The following LDB2 variants were observed in gnomAD, a reference collection of about 807,000 sequenced individuals.
The protein encoded by LDB2 is LIM domain-binding protein 2.
LDB2 carries 12 observed loss-of-function variants against 44.3 expected under a neutral mutation model. That is an observed-to-expected ratio of 0.27 (90% CI 0.17 to 0.44). The LOEUF is 0.44. Among genes scored for constraint, LDB2 ranks in the 20% least tolerant of loss-of-function variants. LDB2 has a pLI of 1.00. For synonymous variants in LDB2, 164 were observed against 174.8 expected, an observed-to-expected ratio of 0.94 and a Z score of 0.49; for missense variants, 344 against 473.5, an observed-to-expected ratio of 0.73 and a Z score of 2.54.
chr4:16,676,693 C>A (rs541285868), intron 2 of LDB2, among the ~76,000 whole-genome samples: 2 of 152,178 alleles, frequency 1.3e-5, no homozygotes, highest in African/African-American at 4.8e-5. Flanking sequence ...GAATGAGACA[C>A]GTTTCAAGGG....
chr4:16,642,230 C>T (rs2082688609), intron 2 of LDB2, among the ~76,000 whole-genome samples: 1 of 152,134 alleles, frequency 6.6e-6, no homozygotes, highest in African/African-American at 2.4e-5. Context: ...GAGATCATGC[C>T]TACATTACTG....
In LDB2 at chr4:16,588,756, A is replaced by G. The variant is rs370724459; in HGVS notation, c.485T>C (p.Ile162Thr). 2.9e-5 allele frequency: 46 copies of G among 1,613,892 alleles called. No homozygotes were observed. The highest frequency in any genetic ancestry group is 3.6e-5 in the Non-Finnish European group (42 of 1,179,870). Reference sequence around the variant, plus strand: ...CGGGACTAACTCTCGGTATTGTCTAATGGTAAAGTGCCATGTTTTGATTCT... The same window carrying G: ...CGGGACTAACTCTCGGTATTGTCTAGTGGTAAAGTGCCATGTTTTGATTCT... ...LMRIKTWHFTIRQYRELVPRS... is the reference protein window; with the variant it reads ...LMRIKTWHFTTRQYRELVPRS... The change falls in exon 4 of 8, where the codon ATT becomes ACT. Residue 162 changes from isoleucine to threonine, a missense_variant. This residue lies in a region of LDB2 where 226 missense variants were observed against 270.1 expected (regional missense o/e 0.84). Transcript: ENST00000304523.
In LDB2 at chr4:16,634,084, C is replaced by T. The variant is rs184750879; in HGVS notation, c.236-38209G>A. ...TATGTAGAAAACTGAAACTGGACCC[C>T]TTTCTTACACCTAATATAAAAACCA... On this transcript the variant is annotated intron_variant, in intron 2 of 7. Coordinates refer to ENST00000304523, the MANE Select transcript of LDB2 (RefSeq NM_001290.5). Among the ~76,000 whole-genome samples the T allele has an allele frequency of 3.0e-3, 458 of 152,232 alleles. 3 individuals are homozygous for T. The highest frequency in any genetic ancestry group is 0.011 in the African/African-American group (448 of 41,532).
At chr4:16,542,943 G>A (rs1207574845) in intron 5 of LDB2, among the ~76,000 whole-genome samples, 1 of 107,426 alleles carries the variant, frequency 9.3e-6, no homozygotes, top group Non-Finnish European at 1.7e-5. Context: ...CCCCACCATA[G>A]GCCCCAGTAT....
intron 5 of LDB2, among the ~76,000 whole-genome samples, chr4:16,522,481 G>A (rs1015500101): frequency 1.3e-5 from 2 of 152,098 alleles, no homozygotes; most frequent in African/African-American, 2.4e-5. Context: ...CATTTACATT[G>A]TATTAGGTAT....
intron 2 of LDB2, among the ~76,000 whole-genome samples, chr4:16,719,780 C>T (rs976888475): frequency 5.3e-5 from 8 of 151,982 alleles, no homozygotes; most frequent in African/African-American, 1.4e-4. Context: ...CATAATTATG[C>T]ATTATTTGTT....
Position 16,651,370 on chromosome 4 carries a change from T to C in LDB2, c.236-55495A>G, listed in dbSNP as rs139168995. On this transcript the variant is annotated intron_variant, in intron 2 of 7. Coordinates refer to ENST00000304523, the MANE Select transcript of LDB2 (RefSeq NM_001290.5). ...TATTTGGTTTTACTTAATTCATTAG[T>C]GCCCATGAATAAATTCAAATGACTT... Among the ~76,000 whole-genome samples, 561 of 152,368 alleles carry C rather than the reference T, an allele frequency of 3.7e-3. 1 individual carries two copies. The highest frequency in any genetic ancestry group is 0.011 in the African/African-American group (444 of 41,580).
At chr4:16,562,402 G>A (rs370091316) in intron 5 of LDB2, among the ~76,000 whole-genome samples, 33 of 152,252 alleles carry the variant, frequency 2.2e-4, no homozygotes, top group South Asian at 1.0e-3. Flanking sequence ...AAAAGTGGGC[G>A]AAGGACATGA....
chr4:16,590,648 G>A (rs1280815142), intron 3 of LDB2, among the ~76,000 whole-genome samples: 1 of 152,162 alleles, frequency 6.6e-6, no homozygotes, highest in African/African-American at 2.4e-5. Flanking sequence ...GTTAACGTGT[G>A]CCATCTTCGT....
chr4:16,725,242 TCACACA>T (rs144411578), intron 2 of LDB2, among the ~76,000 whole-genome samples: 1 of 149,502 alleles, frequency 6.7e-6, no homozygotes, highest in South Asian at 2.1e-4. Context: ...ATACACAAGT[TCACACA>T]CACACACACA....
At chr4:16,887,257 G>A (rs956503728) in intron 1 of LDB2, among the ~76,000 whole-genome samples, 3 of 151,398 alleles carry the variant, frequency 2.0e-5, no homozygotes, top group African/African-American at 4.9e-5. Context: ...AAAGAAACCT[G>A]AGATGGCTTA....
chr4:16,896,999 T>C (rs1309329704), intron 1 of LDB2, among the ~76,000 whole-genome samples: 3 of 152,240 alleles, frequency 2.0e-5, no homozygotes, highest in Non-Finnish European at 2.9e-5. Flanking sequence ...ATTTAGCGTC[T>C]ATGGTGTATT....
chr4:16,710,659 A>C (rs1755663878), intron 2 of LDB2, among the ~76,000 whole-genome samples: 1 of 152,220 alleles, frequency 6.6e-6, no homozygotes, highest in South Asian at 2.1e-4. Context: ...TTAAGAAAAT[A>C]CAAAAAAAAG....
At chr4:16,560,941 A>G (rs1252360479) in intron 5 of LDB2, among the ~76,000 whole-genome samples, 1 of 152,240 alleles carries the variant, frequency 6.6e-6, no homozygotes, top group Admixed American at 6.5e-5. Flanking sequence ...GTAATCCAGC[A>G]TATAAACAGA....
At chr4:16,584,767 A>G (rs1716135564) in intron 5 of LDB2, among the ~76,000 whole-genome samples, 1 of 152,214 alleles carries the variant, frequency 6.6e-6, no homozygotes, top group South Asian at 2.1e-4. Flanking sequence ...GGCCTTGACC[A>G]CAAGGTGAAA....
chr4:16,602,652 C>A (rs1336821202), intron 2 of LDB2, among the ~76,000 whole-genome samples: 3 of 152,148 alleles, frequency 2.0e-5, no homozygotes, highest in Non-Finnish European at 4.4e-5. Context: ...TCTCAAAACA[C>A]CATGAAAATT....
In LDB2 at chr4:16,885,511, C is replaced by T. The variant is rs184433400; in HGVS notation, c.132+12843G>A. On this transcript the variant is annotated intron_variant, in intron 1 of 7. Coordinates refer to ENST00000304523, the MANE Select transcript of LDB2 (RefSeq NM_001290.5). ...AAGGAAAACAGGATAACATTACATA[C>T]AAGTCATGACACAACCCACTTTTTG... Among the ~76,000 whole-genome samples the T allele has an allele frequency of 5.9e-5, 9 of 152,254 alleles. No homozygotes were observed. The East Asian group carries it at 1.7e-3, about 29-fold the overall frequency.
At chr4:16,604,704 C>T (rs1463828986) in intron 2 of LDB2, among the ~76,000 whole-genome samples, 1 of 151,834 alleles carries the variant, frequency 6.6e-6, no homozygotes, top group South Asian at 2.1e-4. Context: ...AACTATTATC[C>T]TATTCCTTGG....
intron 5 of LDB2, among the ~76,000 whole-genome samples, chr4:16,562,675 A>G (rs2152382466): frequency 6.6e-6 from 1 of 152,348 alleles, no homozygotes. Flanking sequence ...TCAGGGATCT[A>G]GAACTAGAAA....
Sources: allele counts gnomAD v4.1 joint callset (sites outside exome capture counted in the v4.1 genomes callset), GRCh38; gene constraint gnomAD v4.1.1; regional missense constraint gnomAD v4.1.1; transcripts MANE v1.5; gene names NCBI Gene and HGNC (gene_info 2026-07-23, HGNC 2026-07-21).